The following MARS1 variants were observed in gnomAD, a reference collection of about 807,000 sequenced individuals.
MARS1 encodes the protein methionine--tRNA ligase, cytoplasmic.
MARS1 carries 80 observed loss-of-function variants against 119.5 expected under a neutral mutation model. The observed-to-expected ratio is 0.67, with a 90% CI of 0.56 to 0.81. The LOEUF is 0.81. Ranked by LOEUF, MARS1 falls within the 30% of genes least tolerant of loss-of-function variation. MARS1 has a pLI of 0.00. For synonymous variants in MARS1, 418 were observed against 433.4 expected (o/e 0.96, Z 0.44); for missense variants, 945 against 1,116.5 (o/e 0.85, Z 2.19).
intron 9 of MARS1, among the ~76,000 whole-genome samples, chr12:57,499,463 G>T (rs542837702): frequency 1.3e-5 from 2 of 151,132 alleles, no homozygotes; most frequent in African/African-American, 4.9e-5. Flanking sequence ...AATTAACCAG[G>T]CGTGGTGGTG....
chr12:57,495,727 G>A (rs1471858830), intron 7 of MARS1, among the ~76,000 whole-genome samples: 7 of 151,218 alleles, frequency 4.6e-5, no homozygotes, highest in Non-Finnish European at 1.0e-4. Flanking sequence ...CACTGAGTGA[G>A]CGAGACTCCG....
Position 57,500,419 on chromosome 12 carries a change from C to CG in MARS1, c.1190_1191insG (p.Asp398Ter). 1 of 1,614,222 alleles carries CG rather than the reference C, an allele frequency of 6.2e-7. No homozygotes were observed. Among genetic ancestry groups the CG allele is most frequent in the African/African-American group, 1.3e-5 (1 of 75,070 alleles). Reference sequence around the variant, plus strand: ...TGTGAGCACTGTGCTCGCTTCCTGGCTGACCGCTTCGTGGAGGGCGTGTGT... The same window carrying CG: ...TGTGAGCACTGTGCTCGCTTCCTGGCGTGACCGCTTCGTGGAGGGCGTGTGT... On this transcript the variant is annotated frameshift_variant, in exon 10 of 21. Coordinates refer to ENST00000262027, the MANE Select transcript of MARS1 (RefSeq NM_004990.4). LOFTEE classifies it high-confidence loss of function.
intron 3 of MARS1, 33 bp downstream of exon 3, chr12:57,489,378 C>A: frequency 6.2e-7 from 1 of 1,614,096 alleles, no homozygotes; most frequent in Non-Finnish European, 8.5e-7. Flanking sequence ...GTCAGGCAGG[C>A]CCTTGTTCTG....
chr12:57,490,409 G>A (rs747872380), intron 6 of MARS1, 30 bp downstream of exon 6: 4 of 1,610,946 alleles, frequency 2.5e-6, no homozygotes, highest in Non-Finnish European at 3.4e-6. Context: ...CTTGGGGCCT[G>A]AGGTGGGAGG....
intron 11 of MARS1, among the ~76,000 whole-genome samples, chr12:57,509,715 G>GT (rs1441022841): frequency 1.3e-5 from 2 of 151,956 alleles, no homozygotes; most frequent in African/African-American, 4.8e-5. Flanking sequence ...TGGCCAGTTG[G>GT]TATTTATTTT....
intron 7 of MARS1, among the ~76,000 whole-genome samples, chr12:57,492,500 T>C (rs1876026269): frequency 6.6e-6 from 1 of 151,574 alleles, no homozygotes; most frequent in African/African-American, 2.4e-5. Flanking sequence ...CAAAACCCTG[T>C]CTCTATCTAA....
intron 11 of MARS1, among the ~76,000 whole-genome samples, chr12:57,505,100 C>T (rs1247711648): frequency 6.6e-6 from 1 of 151,888 alleles, no homozygotes; most frequent in Non-Finnish European, 1.5e-5. Context: ...TCTCCTGCCT[C>T]TGCCTGCAAA....
chr12:57,495,739 C>G (rs1390242180), intron 7 of MARS1, among the ~76,000 whole-genome samples: 1 of 152,250 alleles, frequency 6.6e-6, no homozygotes, highest in Non-Finnish European at 1.5e-5. Flanking sequence ...GAGACTCCGT[C>G]TGCAATCCCA....
chr12:57,511,382 A>C (rs1877507498), intron 11 of MARS1, among the ~76,000 whole-genome samples: 1 of 152,016 alleles, frequency 6.6e-6, no homozygotes, highest in African/African-American at 2.4e-5. Context: ...TCAGGAGTTC[A>C]AGACCAGCCT....
chr12:57,501,835 A>C (rs1876931063), intron 10 of MARS1, among the ~76,000 whole-genome samples: 3 of 151,432 alleles, frequency 2.0e-5, no homozygotes, highest in East Asian at 1.9e-4. Context: ...AAAAAAAAAA[A>C]CCACAAAAAT....
intron 11 of MARS1, among the ~76,000 whole-genome samples, chr12:57,507,346 C>T (rs1294299444): frequency 6.1e-5 from 9 of 147,714 alleles, no homozygotes; most frequent in Non-Finnish European, 7.5e-5. Context: ...CATCATGGCC[C>T]GTTCTCAATG....
At chr12:57,502,527 GA>G (rs1565645788) in intron 10 of MARS1, among the ~76,000 whole-genome samples, 2 of 151,416 alleles carry the variant, frequency 1.3e-5, no homozygotes, top group African/African-American at 4.9e-5. Flanking sequence ...CCAACATGGC[GA>G]AACCCCGCCT....
chr12:57,499,811 T>C (rs1876832672), intron 9 of MARS1, among the ~76,000 whole-genome samples: 1 of 151,964 alleles, frequency 6.6e-6, no homozygotes, highest in Non-Finnish European at 1.5e-5. Context: ...AGGCAGAGAA[T>C]TGCTTGAACC....
intron 7 of MARS1, among the ~76,000 whole-genome samples, chr12:57,493,899 T>TTATATAATA (rs1270271656): frequency 1.6e-5 from 1 of 60,824 alleles, no homozygotes; most frequent in Non-Finnish European, 2.8e-5. Context: ...TATATTTATG[T>TTATATAATA]TATATAATAT....
intron 15 of MARS1, 104 bp downstream of exon 15, chr12:57,513,068 G>GAAAAA: frequency 1.1e-6 from 1 of 915,562 alleles, no homozygotes; most frequent in Non-Finnish European, 1.8e-6. Flanking sequence ...GCAGGAGGCT[G>GAAAAA]TGAGGACACT....
chr12:57,516,255 C>T lies in MARS1; in HGVS notation c.2474C>T (p.Ser825Phe). 6.2e-7 allele frequency: 1 copy of T among 1,614,126 alleles called. No individual in the cohort carries two copies. Among genetic ancestry groups the T allele is most frequent in the Non-Finnish European group, 8.5e-7 (1 of 1,180,010 alleles). The part of the protein sequence containing the change: ...QRFGGGQAKT[S>F]PKPAVVETVT... The stretch of plus-strand genomic sequence containing the variant: ...TTTGTTGTTCTCCAGGCAAAAACGT[C>T]CCCGAAGCCAGCAGTTGTAGAGACT... The change falls in exon 20 of 21, where the codon TCC (serine) becomes TTC (phenylalanine). Residue 825 changes from serine to phenylalanine, a missense_variant. Ser to Phe is a radical substitution (Grantham distance 155, BLOSUM62 -2). Transcript: ENST00000262027.
At position 57,512,184 on chromosome 12, in the gene MARS1, T is replaced by C. The variant is rs1369979428; in HGVS notation, c.1636-52T>C. 7 of 1,600,864 alleles carry C rather than the reference T, an allele frequency of 4.4e-6. No homozygotes were observed. The South Asian group carries it at 6.6e-5, about 15-fold the overall frequency. On this transcript the variant is annotated intron_variant, in intron 13 of 20. Transcript: ENST00000262027. ...GTTAGGGTTGGGTGTCTGGTCTTCCTTGGGCCTTTGAAGGAGGTCTCAGGA... is the reference window on the plus strand; with the variant it reads ...GTTAGGGTTGGGTGTCTGGTCTTCCCTGGGCCTTTGAAGGAGGTCTCAGGA...
chr12:57,512,904 C>T lies in MARS1; in HGVS notation c.1907C>T (p.Thr636Met), dbSNP rs145038492. 2.3e-5 allele frequency: 37 copies of T among 1,614,218 alleles called. 1 individual carries two copies. The highest frequency in any genetic ancestry group is 5.0e-5 in the Admixed American group (3 of 60,018). ...GGCCAGGACAGTGCTTTCTCCTGGA[C>T]GGACCTGCTGCTGAAGAATAATTCT... ...PEGQDSAFSW[T>M]DLLLKNNSEL... The change falls in exon 15 of 21, where the codon ACG becomes ATG. Residue 636 changes from threonine (T) to methionine (M), a missense_variant. By Grantham distance (81) the Thr-to-Met change is moderately conservative. Transcript: ENST00000262027.
intron 11 of MARS1, among the ~76,000 whole-genome samples, chr12:57,509,315 G>C (rs1877397400): frequency 6.6e-6 from 1 of 152,184 alleles, no homozygotes; most frequent in Admixed American, 6.6e-5. Flanking sequence ...AACAGTATTA[G>C]ATACCAAAAT....
Sources: allele counts gnomAD v4.1 joint callset (sites outside exome capture counted in the v4.1 genomes callset), GRCh38; gene constraint gnomAD v4.1.1; transcripts MANE v1.5; gene names NCBI Gene and HGNC (gene_info 2026-07-23, HGNC 2026-07-21).